The following ASXL1 variants were observed in gnomAD, a reference collection of about 807,000 sequenced individuals.
ASXL1 encodes polycomb group protein ASXL1.
In ASXL1, 65 loss-of-function variants were observed where a neutral mutation model predicts 89.1. The observed-to-expected ratio is 0.73, with a 90% CI of 0.60 to 0.90. ASXL1 has a LOEUF of 0.90. Ranked by LOEUF, ASXL1 falls within the 40% of genes least tolerant of loss-of-function variation. The pLI is 0.00. For synonymous variants in ASXL1, 739 were observed against 746.9 expected, an observed-to-expected ratio of 0.99 and a Z score of 0.17; for missense variants, 1,786 against 1,942.9, an observed-to-expected ratio of 0.92 and a Z score of 1.52.
Position 32,436,111 on chromosome 20 carries a change from C to G in ASXL1, c.3399C>G (p.Ser1133=), listed in dbSNP as rs762339735. 14 of 1,614,164 alleles carry G rather than the reference C, an allele frequency of 8.7e-6. No homozygotes were observed. The highest frequency in any genetic ancestry group is 1.7e-5 in the Admixed American group (1 of 60,030). The change falls in exon 13 of 13, where the codon TCC becomes TCG. Residue 1133 remains serine, a synonymous_variant. Transcript: ENST00000375687. ...PPAHDDSMSE[S]PQVPLTKDQS... ...CCCACGATGACAGCATGTCAGAATCCCCACAAGTACCACTTACAAAAGACC... is the reference window on the plus strand; with the variant it reads ...CCCACGATGACAGCATGTCAGAATCGCCACAAGTACCACTTACAAAAGACC...
rs2145368609 is a variant in ASXL1 at position 32,435,243 on chromosome 20, C to T, written c.2531C>T (p.Thr844Ile). The T allele has an allele frequency of 6.2e-7, 1 of 1,614,046 alleles. No homozygotes were observed. The highest frequency in any genetic ancestry group is 8.5e-7 in the Non-Finnish European group (1 of 1,179,994). Reference protein sequence around the residue: ...HPTMKDPVNVTPSSTPESSPT... With the variant: ...HPTMKDPVNVIPSSTPESSPT... ...ACTATGAAGGATCCTGTAAATGTGA[C>T]CCCCAGTTCCACACCTGAATCCTCA... Residue 844 changes from threonine (T) to isoleucine (I), a missense_variant, in exon 13 of 13, where the codon ACC (threonine) becomes ATC (isoleucine). Physicochemically the swap from Thr to Ile is moderately conservative, Grantham distance 89. Transcript: ENST00000375687.
rs2123237272 is a variant in ASXL1 at position 32,431,595 on chromosome 20, G to A, written c.895G>A (p.Gly299Ser). The change falls in exon 10 of 13, where the codon GGC becomes AGC. Residue 299 changes from glycine to serine, a missense_variant. Transcript: ENST00000375687. Reference protein sequence around the residue: ...PEVDRQVGTDGLLRLSSSALN... With the variant: ...PEVDRQVGTDSLLRLSSSALN... ...TTGATCCTTCTAGGTGGGGACGGAT[G>A]GCCTGTTGCGTCTCAGCAGCAGTGC... The A allele has an allele frequency of 6.2e-7, 1 of 1,614,064 alleles. No individual in the cohort carries two copies. The highest frequency in any genetic ancestry group is 8.5e-7 in the Non-Finnish European group (1 of 1,180,026).
intron 1 of ASXL1, 158 bp downstream of exon 1, chr20:32,358,990 TG>T: frequency 1.3e-6 from 1 of 786,598 alleles, no homozygotes; most frequent in Non-Finnish European, 2.0e-6. Flanking sequence ...AGGCGAGGGG[TG>T]GGGAGCGCTC....
At chr20:32,359,498 TC>T (rs1461016777) in intron 1 of ASXL1, 12 of 649,996 alleles carry the variant, frequency 1.8e-5, no homozygotes, top group Non-Finnish European at 3.1e-5. Context: ...AGCCTGGGAA[TC>T]TGCGCTTTCA....
intron 1 of ASXL1, among the ~76,000 whole-genome samples, chr20:32,366,029 G>A (rs1357508732): frequency 6.6e-6 from 1 of 152,100 alleles, no homozygotes; most frequent in Non-Finnish European, 1.5e-5. Flanking sequence ...GAAAGAAAAT[G>A]TGAATGCATT....
rs71187113 is a variant in ASXL1 at position 32,379,161 on chromosome 20, C to CT, written c.252+10079dup. 4.7e-4 allele frequency among the ~76,000 whole-genome samples: 29 copies of CT among 61,792 alleles called. 2 individuals are homozygous for CT. The highest frequency in any genetic ancestry group is 2.0e-3 in the East Asian group (3 of 1,534). The allele number at this position is 61,792 out of a possible 152,430, so 40.5% of individuals were successfully genotyped here. ...ACTCACTGTCAGGTATAACTTCAGTCTTTTTTTTTTTTTTTTTTTTTTTTT... is the reference window on the plus strand; with the variant it reads ...ACTCACTGTCAGGTATAACTTCAGTCTTTTTTTTTTTTTTTTTTTTTTTTTT... On this transcript the variant is annotated intron_variant, in intron 4 of 12. Coordinates refer to ENST00000375687, the MANE Select transcript of ASXL1 (RefSeq NM_015338.6).
intron 1 of ASXL1, chr20:32,359,034 C>A: frequency 1.6e-6 from 1 of 613,762 alleles, no homozygotes; most frequent in Non-Finnish European, 2.8e-6. Flanking sequence ...TTTTTCCGCT[C>A]GCCCTCGCGC....
At chr20:32,400,309 T>A (rs1200731044) in intron 4 of ASXL1, among the ~76,000 whole-genome samples, 2 of 152,156 alleles carry the variant, frequency 1.3e-5, no homozygotes, top group Non-Finnish European at 2.9e-5. Context: ...TTTTACCTCG[T>A]TGGGTGCTGG....
chr20:32,385,737 G>C (rs924694012), intron 4 of ASXL1, among the ~76,000 whole-genome samples: 2 of 151,842 alleles, frequency 1.3e-5, no homozygotes, highest in Non-Finnish European at 2.9e-5. Flanking sequence ...GCCCCCTTAC[G>C]ATCCAGTGCT....
In ASXL1 at chr20:32,439,015, G is replaced by A. The variant is rs892521979; in HGVS notation, c.*1677G>A. ...CTTCAAGTCTCATTTTATCTGAAAG[G>A]TTTTTTTCTCATTTAATCTGATGTG... On this transcript the variant is annotated 3_prime_UTR_variant, in exon 13 of 13. Transcript: ENST00000375687. 8.6e-6 allele frequency: 2 copies of A among 233,442 alleles called. No individual in the cohort carries two copies. The highest frequency in any genetic ancestry group is 4.4e-5 in the African/African-American group (2 of 45,312). 14.5% of individuals were successfully genotyped at this position (233,442 alleles called of 1,614,324 possible). A position where few individuals can be genotyped will look rare whatever the true frequency, so the allele number is the denominator to read the frequency against.
intron 11 of ASXL1, 137 bp downstream of exon 11, chr20:32,433,122 C>A: frequency 6.5e-7 from 1 of 1,530,034 alleles, no homozygotes. Flanking sequence ...ATCTTAATGC[C>A]ATTCATAGTG....
intron 4 of ASXL1, among the ~76,000 whole-genome samples, chr20:32,412,594 ATTTTTT>A (rs377498376): frequency 1.5e-5 from 2 of 137,544 alleles, no homozygotes; most frequent in African/African-American, 2.7e-5. Flanking sequence ...AAAGAAATAA[ATTTTTT>A]TTTTTTTTTT....
intron 4 of ASXL1, among the ~76,000 whole-genome samples, chr20:32,413,669 G>T (rs1242755226): frequency 1.3e-5 from 2 of 152,182 alleles, no homozygotes; most frequent in African/African-American, 4.8e-5. Flanking sequence ...GACTTTCAGT[G>T]CTAAAACTGG....
chr20:32,430,156 ACTTCTTGGGTGGCC>A, intron 8 of ASXL1, 103 bp downstream of exon 8: 1 of 1,407,238 alleles, frequency 7.1e-7, no homozygotes, highest in South Asian at 1.4e-5. Context: ...GTTTATTTTT[ACTTCTTGGGTGGCC>A]CTCTATTTTT....
rs2012020856 is a variant in ASXL1 at position 32,437,867 on chromosome 20, G to T, written c.*529G>T. 1 of 242,934 alleles carries T rather than the reference G, an allele frequency of 4.1e-6. No homozygotes were observed. The highest frequency in any genetic ancestry group is 8.1e-6 in the Non-Finnish European group (1 of 123,776). 15.0% of individuals were successfully genotyped at this position (242,934 alleles called of 1,614,324 possible). A position where few individuals can be genotyped will look rare whatever the true frequency, so the allele number is the denominator to read the frequency against. On this transcript the variant is annotated 3_prime_UTR_variant, in exon 13 of 13. Transcript: ENST00000375687. ...ACCTGCTGACCTCAGGGTCACAGTT[G>T]AGTCATTTGCCAGTTGACGGAGCAA... is the stretch of plus-strand genomic sequence containing the variant.
intron 4 of ASXL1, 110 bp from the exon 5 acceptor site, chr20:32,428,018 G>A: frequency 6.7e-7 from 1 of 1,495,854 alleles, no homozygotes; most frequent in African/African-American, 1.4e-5. Context: ...TTAGGAACTT[G>A]TCAGTATTCT....
chr20:32,416,605 G>A (rs752248902), intron 4 of ASXL1, among the ~76,000 whole-genome samples: 3 of 152,116 alleles, frequency 2.0e-5, no homozygotes, highest in Non-Finnish European at 2.9e-5. Context: ...ATGAATATGT[G>A]CGTTTTTCAC....
In ASXL1 at chr20:32,435,663, A is replaced by T. The variant is rs1183288483; in HGVS notation, c.2951A>T (p.Lys984Ile). Residue 984 changes from lysine to isoleucine, a missense_variant, in exon 13 of 13, where the codon AAA becomes ATA. By Grantham distance (102) the Lys-to-Ile change is moderately radical. Transcript: ENST00000375687. ...CAACAGGTGGACATTGAAAAGCTGA[A>T]AATCAACGGAGACTCTGAAGCACTG... Reference protein sequence around the residue: ...YCQQVDIEKLKINGDSEALSP... With the variant: ...YCQQVDIEKLIINGDSEALSP... 1.9e-6 allele frequency: 3 copies of T among 1,614,174 alleles called. No homozygotes were observed. The East Asian group carries it at 6.7e-5, about 36-fold the overall frequency.
chr20:32,375,006 G>T (rs1295294738), intron 4 of ASXL1, among the ~76,000 whole-genome samples: 1 of 152,074 alleles, frequency 6.6e-6, no homozygotes, highest in Non-Finnish European at 1.5e-5. Context: ...TACAGCTATG[G>T]AGGCCAAGGT....
Sources: allele counts gnomAD v4.1 joint callset (sites outside exome capture counted in the v4.1 genomes callset), GRCh38; gene constraint gnomAD v4.1.1; transcripts MANE v1.5; gene names NCBI Gene and HGNC (gene_info 2026-07-23, HGNC 2026-07-21).